PPP2R2C: variants seen among roughly 807,000 people sequenced by gnomAD.
PPP2R2C encodes the protein protein phosphatase 2 regulatory subunit Bgamma.
PPP2R2C carries 10 observed loss-of-function variants against 45.3 expected under a neutral mutation model. The ratio of observed to expected loss-of-function variants is 0.22; its 90% CI spans 0.14 to 0.37. The LOEUF (loss-of-function observed/expected upper bound fraction) is 0.37, where lower values mean the gene tolerates loss of function less well. Among genes scored for constraint, PPP2R2C ranks in the 10% least tolerant of loss-of-function variants. PPP2R2C has a pLI of 1.00. For synonymous variants in PPP2R2C, 257 were observed against 245.4 expected, an observed-to-expected ratio of 1.05 and a Z score of -0.44; for missense variants, 308 against 619.7, an observed-to-expected ratio of 0.50 and a Z score of 5.34.
intron 2 of PPP2R2C, among the ~76,000 whole-genome samples, chr4:6,488,023 G>A (rs1267350733): frequency 6.6e-6 from 1 of 152,126 alleles, no homozygotes; most frequent in Non-Finnish European, 1.5e-5. Flanking sequence ...ATCCTATCCA[G>A]TGTGTTTTTC....
intron 8 of PPP2R2C, among the ~76,000 whole-genome samples, chr4:6,326,602 G>T (rs952680969): frequency 6.6e-6 from 1 of 152,194 alleles, no homozygotes; most frequent in Non-Finnish European, 1.5e-5. Flanking sequence ...TACGAACTGG[G>T]ATCTTGCTGA....
chr4:6,531,842 A>G (rs1348428398), intron 2 of PPP2R2C, among the ~76,000 whole-genome samples: 3 of 152,128 alleles, frequency 2.0e-5, no homozygotes. Context: ...GCAAGTGAAG[A>G]GGCTGAGGCA....
rs564888942 is a variant in PPP2R2C at position 6,345,559 on chromosome 4, A to G, written c.790+2287T>C. ...CAGACAGGAGGGTCAGAGACGTGAG[A>G]GAGGCTTGGCCGCTGTGGGCTGGGA... On this transcript the variant is annotated intron_variant, in intron 6 of 8. Transcript: ENST00000382599. The surrounding 1 kb of genome is among the most constrained non-coding windows in gnomAD (Gnocchi z 5.3). Among the ~76,000 whole-genome samples the G allele has an allele frequency of 6.6e-6, 1 of 152,242 alleles. No individual in the cohort carries two copies. The highest frequency in any genetic ancestry group is 2.1e-4 in the South Asian group (1 of 4,816).
At chr4:6,359,276 A>C (rs1713514771) in intron 5 of PPP2R2C, among the ~76,000 whole-genome samples, 1 of 152,224 alleles carries the variant, frequency 6.6e-6, no homozygotes, top group South Asian at 2.1e-4. Context: ...GTTCTCACTC[A>C]TAGGTGGGAA....
At chr4:6,397,382 T>A (rs1225077253) in intron 1 of PPP2R2C, among the ~76,000 whole-genome samples, 1 of 152,198 alleles carries the variant, frequency 6.6e-6, no homozygotes, top group Non-Finnish European at 1.5e-5. Flanking sequence ...CAGAATATTG[T>A]TGCCTGGGAA....
At chr4:6,390,188 G>A (rs1354442439) in intron 1 of PPP2R2C, among the ~76,000 whole-genome samples, 7 of 152,058 alleles carry the variant, frequency 4.6e-5, no homozygotes, top group Admixed American at 3.3e-4. Context: ...CCTGAGTGCC[G>A]GCTGCCCAGA....
chr4:6,499,816 A>C (rs1722990401), intron 2 of PPP2R2C, among the ~76,000 whole-genome samples: 1 of 150,104 alleles, frequency 6.7e-6, no homozygotes, highest in Non-Finnish European at 1.5e-5. Context: ...CTCCCTCCTT[A>C]CTTCATTCAG....
intron 5 of PPP2R2C, chr4:6,350,235 A>C: frequency 1.0e-6 from 1 of 985,450 alleles, no homozygotes; most frequent in Non-Finnish European, 1.2e-6. Context: ...TCCAGCGTCC[A>C]CCTGGCAGCC....
At chr4:6,352,705 T>C (rs1008309823) in intron 5 of PPP2R2C, among the ~76,000 whole-genome samples, 2 of 152,172 alleles carry the variant, frequency 1.3e-5, no homozygotes, top group African/African-American at 4.8e-5. Flanking sequence ...CAATCCCATA[T>C]GCCTCAACTG....
intron 2 of PPP2R2C, among the ~76,000 whole-genome samples, chr4:6,530,057 C>T (rs1724343631): frequency 6.6e-6 from 1 of 152,152 alleles, no homozygotes; most frequent in South Asian, 2.1e-4. Flanking sequence ...GATTCACAAA[C>T]CACAAGGCAC....
intron 6 of PPP2R2C, among the ~76,000 whole-genome samples, chr4:6,343,544 C>G (rs1711540878): frequency 6.6e-6 from 1 of 152,072 alleles, no homozygotes; most frequent in South Asian, 2.1e-4. Flanking sequence ...CAGCAAAACC[C>G]TGTCTCTACT....
rs1714522565 is a variant in PPP2R2C at position 6,368,445 on chromosome 4, G to A, written c.625+4078C>T. 6.6e-6 allele frequency among the ~76,000 whole-genome samples: 1 copy of A among 152,150 alleles called. No individual in the cohort carries two copies. ...ATCTAGTTCCAGCATCACCCAAGAG[G>A]GCTGGCACACAGTAGGTGCTTAATA... On this transcript the variant is annotated intron_variant, in intron 5 of 8. Transcript: ENST00000382599. The surrounding 1 kb of genome is among the most constrained non-coding windows in gnomAD (Gnocchi z 4.2).
Position 6,321,350 on chromosome 4 carries a change from G to A in PPP2R2C, c.*1952C>T, listed in dbSNP as rs538363335. On this transcript the variant is annotated 3_prime_UTR_variant, in exon 9 of 9. Transcript: ENST00000382599. Reference sequence around the variant, plus strand: ...TATCTATACAATTGACCACATTCTCGAACCTCTTTACAAGGGGGAAAAAAG... The same window carrying A: ...TATCTATACAATTGACCACATTCTCAAACCTCTTTACAAGGGGGAAAAAAG... 3 of 152,510 alleles carry A rather than the reference G, an allele frequency of 2.0e-5. 1 individual carries two copies. The highest frequency in any genetic ancestry group is 4.1e-4 in the South Asian group (2 of 4,822). 9.4% of individuals were successfully genotyped at this position (152,510 alleles called of 1,614,324 possible).
chr4:6,407,498 G>A (rs28430849), intron 1 of PPP2R2C, among the ~76,000 whole-genome samples: 2,193 of 152,254 alleles, frequency 0.014, 65 homozygotes, highest in African/African-American at 0.049. Flanking sequence ...GGGTTCAAGC[G>A]ATTCTCCAGC....
upstream of PPP2R2C, among the ~76,000 whole-genome samples, chr4:6,477,508 C>T (rs1465645602): frequency 6.6e-6 from 1 of 151,988 alleles, no homozygotes; most frequent in Non-Finnish European, 1.5e-5. Flanking sequence ...GGGTGGATCA[C>T]AAGGTCAGGA....
At chr4:6,556,192 G>GTC (rs1725395089) in intron 1 of PPP2R2C, among the ~76,000 whole-genome samples, 2 of 152,180 alleles carry the variant, frequency 1.3e-5, no homozygotes, top group Non-Finnish European at 2.9e-5. Flanking sequence ...TTCCAGGTGT[G>GTC]TCTGTGAGGG....
Position 6,329,029 on chromosome 4 carries a change from C to A in PPP2R2C, c.1052+233G>T, listed in dbSNP as rs1247926006. ...CCACTACTGCCCATAGGGCAGGCGC[C>A]AACGTGGCTGTGAGGTTCAGTGACA... is the stretch of plus-strand genomic sequence containing the variant. On this transcript the variant is annotated intron_variant, in intron 8 of 8. Transcript: ENST00000382599. This position sits in a 1 kb window ranked among gnomAD's most constrained non-coding sequence, Gnocchi z 5.8. Among the ~76,000 whole-genome samples, 3 of 152,220 alleles carry A rather than the reference C, an allele frequency of 2.0e-5. No individual in the cohort carries two copies. The highest frequency in any genetic ancestry group is 4.4e-5 in the Non-Finnish European group (3 of 68,024).
intron 1 of PPP2R2C, chr4:6,381,586 G>A: frequency 2.1e-6 from 3 of 1,442,176 alleles, no homozygotes; most frequent in Non-Finnish European, 2.7e-6. Flanking sequence ...TAGGACAGAG[G>A]TGAATTACCC....
At chr4:6,350,027 C>A in intron 5 of PPP2R2C, 1 of 985,334 alleles carries the variant, frequency 1.0e-6, no homozygotes, top group Non-Finnish European at 1.2e-6. Context: ...TCTTGCTTCC[C>A]GGAAGCACGT....
Sources: allele counts gnomAD v4.1 joint callset (sites outside exome capture counted in the v4.1 genomes callset), GRCh38; gene constraint gnomAD v4.1.1; non-coding constraint Gnocchi (gnomAD v3.1); transcripts MANE v1.5; gene names NCBI Gene and HGNC (gene_info 2026-07-23, HGNC 2026-07-21).